The following DACH2 variants were observed in gnomAD, a reference collection of about 807,000 sequenced individuals.
DACH2 encodes the protein dachshund family transcription factor 2, also known as dachshund homolog 2.
DACH2 carries 17 observed loss-of-function variants against 35.8 expected under a neutral mutation model. The observed-to-expected ratio is 0.48, with a 90% CI of 0.33 to 0.71. DACH2 has a LOEUF of 0.71. Among genes scored for constraint, DACH2 ranks in the 30% least tolerant of loss-of-function variants. The probability of loss-of-function intolerance (pLI) is 0.02; values close to 1 mark genes in which losing one functional copy is unlikely to be tolerated. For synonymous variants in DACH2, 195 were observed against 177.3 expected, an observed-to-expected ratio of 1.10 and a Z score of -0.79; for missense variants, 469 against 472.7, an observed-to-expected ratio of 0.99 and a Z score of 0.07.
At chrX:86,453,693 G>T (rs968609687) in intron 2 of DACH2, among the ~76,000 whole-genome samples, 3 of 110,842 alleles carry the variant, frequency 2.7e-5, no homozygotes, top group African/African-American at 9.9e-5. Flanking sequence ...TTTATTTTGA[G>T]CCTGTGTGTG....
chrX:86,612,324 G>A (rs188540822), intron 3 of DACH2, among the ~76,000 whole-genome samples: 1 of 108,455 alleles, frequency 9.2e-6, no homozygotes, highest in Non-Finnish European at 1.9e-5. Flanking sequence ...TGGTATTGGG[G>A]AAAGGGTCAT....
At chrX:86,222,089 T>G (rs2032724875) in intron 1 of DACH2, among the ~76,000 whole-genome samples, 1 of 112,439 alleles carries the variant, frequency 8.9e-6, no homozygotes, top group Admixed American at 9.4e-5. Flanking sequence ...TACTTTCACA[T>G]TGGGGGTTAG....
intron 3 of DACH2, among the ~76,000 whole-genome samples, chrX:86,613,477 T>A: frequency 8.9e-6 from 1 of 111,871 alleles, no homozygotes; most frequent in East Asian, 2.8e-4. Context: ...ATTCTGTTAC[T>A]ATAGACTATA....
intron 1 of DACH2, among the ~76,000 whole-genome samples, chrX:86,168,726 C>A (rs1602249918): frequency 9.3e-6 from 1 of 107,381 alleles, no homozygotes; most frequent in Non-Finnish European, 1.9e-5. Context: ...TCTTATAACC[C>A]ATTATTTTAA....
intron 3 of DACH2, among the ~76,000 whole-genome samples, chrX:86,579,646 AAT>A (rs1314497268): frequency 8.9e-6 from 1 of 111,977 alleles, no homozygotes; most frequent in Non-Finnish European, 1.9e-5. Flanking sequence ...CCACAGAACA[AAT>A]GTTATTAATT....
intron 1 of DACH2, among the ~76,000 whole-genome samples, chrX:86,280,447 A>G (rs1350226663): frequency 8.9e-6 from 1 of 112,253 alleles, no homozygotes; most frequent in African/African-American, 3.2e-5. Flanking sequence ...AGAGCTCCTG[A>G]AGGAAGCACT....
intron 2 of DACH2, among the ~76,000 whole-genome samples, chrX:86,381,302 C>T (rs1482732613): frequency 2.7e-5 from 3 of 110,738 alleles, no homozygotes; most frequent in Admixed American, 1.9e-4. Flanking sequence ...TATTCTCTTA[C>T]GATTATACAC....
chrX:86,709,314 G>A (rs977943334), intron 5 of DACH2, among the ~76,000 whole-genome samples: 9 of 111,645 alleles, frequency 8.1e-5, no homozygotes, highest in Non-Finnish European at 1.5e-4. Flanking sequence ...AAAGATCATA[G>A]CATTTTTCTA....
intron 3 of DACH2, among the ~76,000 whole-genome samples, chrX:86,632,939 A>G (rs12853722): frequency 9.0e-6 from 1 of 110,826 alleles, no homozygotes; most frequent in African/African-American, 3.3e-5. Flanking sequence ...CAGCAAAGGC[A>G]CTGCTAAGAG....
At chrX:86,667,614 A>AAGGCAGGCAGGC (rs66773650) in intron 4 of DACH2, among the ~76,000 whole-genome samples, 1 of 96,986 alleles carries the variant, frequency 1.0e-5, no homozygotes, top group Admixed American at 1.1e-4. Context: ...GAAAGAAAGA[A>AAGGCAGGCAGGC]AGGCAGGCAG....
At chrX:86,778,416 A>G (rs1286850027) in intron 7 of DACH2, among the ~76,000 whole-genome samples, 2 of 111,205 alleles carry the variant, frequency 1.8e-5, no homozygotes, top group African/African-American at 6.5e-5. Context: ...CAAAAATGGA[A>G]GAATGGTTTC....
intron 1 of DACH2, among the ~76,000 whole-genome samples, chrX:86,193,431 C>A (rs2031889017): frequency 1.8e-5 from 2 of 111,818 alleles, no homozygotes; most frequent in Non-Finnish European, 3.8e-5. Context: ...ACCATTTGAA[C>A]TGTAGGCTCA....
chrX:86,312,302 T>A (rs1336365950), intron 1 of DACH2, among the ~76,000 whole-genome samples: 1 of 112,408 alleles, frequency 8.9e-6, no homozygotes, highest in Non-Finnish European at 1.9e-5. Context: ...TAACTTTATG[T>A]AATAGTATTT....
intron 1 of DACH2, among the ~76,000 whole-genome samples, chrX:86,156,269 C>T (rs1352534092): frequency 1.8e-5 from 2 of 111,193 alleles, no homozygotes; most frequent in Non-Finnish European, 3.8e-5. Flanking sequence ...ACTCCAGTAA[C>T]GTTCTTTGAA....
intron 2 of DACH2, among the ~76,000 whole-genome samples, chrX:86,434,009 G>A (rs1340436220): frequency 9.0e-6 from 1 of 111,270 alleles, no homozygotes; most frequent in East Asian, 2.8e-4. Context: ...AGACATGAAG[G>A]CATTAATTAT....
At position 86,665,177 on chromosome X, in the gene DACH2, T is replaced by A. The variant is rs187734903; in HGVS notation, c.772+14010T>A. On this transcript the variant is annotated intron_variant, in intron 4 of 11. Coordinates refer to ENST00000373125, the MANE Select transcript of DACH2 (RefSeq NM_053281.3). ...TTTATAAACATGGAAAGTTTTATAG[T>A]CTACTAATACAAAAATGAATTTATA... 1.2e-3 allele frequency among the ~76,000 whole-genome samples: 134 copies of A among 112,218 alleles called. 2 individuals are homozygous for A. The highest frequency in any genetic ancestry group is 0.012 in the Admixed American group (123 of 10,579).
chrX:86,240,684 G>C, intron 1 of DACH2, among the ~76,000 whole-genome samples: 1 of 109,575 alleles, frequency 9.1e-6, no homozygotes, highest in Middle Eastern at 4.3e-3. Flanking sequence ...GTTTGGCTCT[G>C]TGTCCCCATC....
At chrX:86,510,685 T>C (rs1310347391) in intron 2 of DACH2, among the ~76,000 whole-genome samples, 4 of 111,231 alleles carry the variant, frequency 3.6e-5, no homozygotes. Flanking sequence ...AAGCTGAATC[T>C]CTCCAAGATT....
intron 2 of DACH2, among the ~76,000 whole-genome samples, chrX:86,511,520 A>T (rs937791621): frequency 9.0e-6 from 1 of 111,702 alleles, no homozygotes; most frequent in Non-Finnish European, 1.9e-5. Flanking sequence ...GCAAACACAC[A>T]TCTCTATAAC....
Sources: allele counts gnomAD v4.1 joint callset (sites outside exome capture counted in the v4.1 genomes callset), GRCh38; gene constraint gnomAD v4.1.1; transcripts MANE v1.5; gene names NCBI Gene and HGNC (gene_info 2026-07-23, HGNC 2026-07-21).